CDK14: variants seen among roughly 807,000 people sequenced by gnomAD.
The protein encoded by CDK14 is cyclin dependent kinase 14.
A neutral mutation model predicts 60.7 loss-of-function variants in CDK14; 34 were observed. That is an observed-to-expected ratio of 0.56 (90% CI 0.43 to 0.75). The LOEUF (loss-of-function observed/expected upper bound fraction) is 0.75, where lower values mean the gene tolerates loss of function less well. CDK14 is among the 30% of genes least tolerant of loss of function. The pLI, the probability that CDK14 is intolerant of heterozygous loss-of-function variation, is 0.00. For synonymous variants in CDK14, 197 were observed against 203.7 expected (o/e 0.97, Z 0.28); for missense variants, 482 against 564.1 (o/e 0.85, Z 1.47).
intron 10 of CDK14, among the ~76,000 whole-genome samples, chr7:91,028,666 C>G (rs574529897): frequency 6.6e-6 from 1 of 152,204 alleles, no homozygotes; most frequent in Non-Finnish European, 1.5e-5. Flanking sequence ...ATTTGCATTT[C>G]CCTGATGATT....
At chr7:90,778,400 A>G (rs1805141996) in intron 4 of CDK14, among the ~76,000 whole-genome samples, 1 of 152,184 alleles carries the variant, frequency 6.6e-6, no homozygotes, top group South Asian at 2.1e-4. Context: ...TGCTCTTACC[A>G]GTACCCTGGT....
intron 11 of CDK14, among the ~76,000 whole-genome samples, chr7:91,061,388 C>G (rs1377102074): frequency 6.6e-6 from 1 of 152,332 alleles, no homozygotes; most frequent in South Asian, 2.1e-4. Context: ...CTGAAGCCTT[C>G]TTCTCTCAAT....
At chr7:90,996,358 T>C (rs1404487996) in intron 10 of CDK14, among the ~76,000 whole-genome samples, 2 of 152,202 alleles carry the variant, frequency 1.3e-5, no homozygotes, top group Non-Finnish European at 1.5e-5. Context: ...CATGAGTTCA[T>C]TTAAAACCTG....
chr7:90,720,950 G>T (rs1802427919), intron 2 of CDK14, among the ~76,000 whole-genome samples: 2 of 152,118 alleles, frequency 1.3e-5, no homozygotes. Context: ...TGGCAGTTAA[G>T]CTGAGTTTTC....
In CDK14 at chr7:90,645,430, C is replaced by T. The variant is rs28951976; in HGVS notation, c.123+41181C>T. Among the ~76,000 whole-genome samples, 37 of 151,088 alleles carry T rather than the reference C, an allele frequency of 2.4e-4. No individual in the cohort carries two copies. The East Asian group carries it at 3.5e-3, about 14-fold the overall frequency. On this transcript the variant is annotated intron_variant, in intron 2 of 14. Coordinates refer to ENST00000380050, the MANE Select transcript of CDK14 (RefSeq NM_001287135.2). ...GTTAGTTTTATCCTTTTTTTTCCCC[C>T]GTAACTCAAAAGCAGTTTTAAAAAA... is the stretch of plus-strand genomic sequence containing the variant.
intron 5 of CDK14, among the ~76,000 whole-genome samples, chr7:90,817,954 C>G (rs1584006627): frequency 6.6e-6 from 1 of 152,264 alleles, no homozygotes; most frequent in East Asian, 1.9e-4. Flanking sequence ...AGACTGTAAG[C>G]CCACAGAATT....
intron 2 of CDK14, among the ~76,000 whole-genome samples, chr7:90,708,094 A>G (rs181640954): frequency 8.4e-4 from 128 of 152,344 alleles, no homozygotes; most frequent in African/African-American, 3.0e-3. Flanking sequence ...CTTTAGCCCT[A>G]AAATTTGGAG....
chr7:90,996,196 A>T (rs1197060249), intron 10 of CDK14, among the ~76,000 whole-genome samples: 2 of 152,210 alleles, frequency 1.3e-5, no homozygotes, highest in Admixed American at 1.3e-4. Flanking sequence ...ATTTGTAATC[A>T]TCATGTCCCA....
intron 14 of CDK14, among the ~76,000 whole-genome samples, chr7:91,171,321 G>A (rs1801511730): frequency 6.6e-6 from 1 of 152,014 alleles, no homozygotes; most frequent in Non-Finnish European, 1.5e-5. Context: ...CTGCACTCCA[G>A]CCTGGGTGAC....
At position 91,007,459 on chromosome 7, in the gene CDK14, G is replaced by A. The variant is rs7782670; in HGVS notation, c.1041+23218G>A. 8.1e-3 allele frequency among the ~76,000 whole-genome samples: 1,232 copies of A among 152,268 alleles called. 25 individuals are homozygous for A. The highest frequency in any genetic ancestry group is 0.026 in the African/African-American group (1,064 of 41,542). On this transcript the variant is annotated intron_variant, in intron 10 of 14. Transcript: ENST00000380050. ...CAGGGTCAGTTTTCCACATCCCATG[G>A]AAAGGGAGATTAAGTTATGTTAGTT...
chr7:91,108,610 G>C (rs1584071971), intron 12 of CDK14, among the ~76,000 whole-genome samples: 1 of 152,090 alleles, frequency 6.6e-6, no homozygotes, highest in Non-Finnish European at 1.5e-5. Context: ...ATGGCTATTT[G>C]CCTGCCACTA....
intron 10 of CDK14, among the ~76,000 whole-genome samples, chr7:90,987,739 C>T (rs1320069054): frequency 6.6e-6 from 1 of 151,934 alleles, no homozygotes; most frequent in Non-Finnish European, 1.5e-5. Context: ...AATGCTTTTC[C>T]TCTGTGACCT....
At chr7:90,631,189 A>G (rs191612070) in intron 2 of CDK14, among the ~76,000 whole-genome samples, 26 of 152,320 alleles carry the variant, frequency 1.7e-4, no homozygotes, top group African/African-American at 5.8e-4. Context: ...TGGGTGATCT[A>G]CATTATCACT....
chr7:90,754,859 A>G (rs577011512), intron 4 of CDK14, among the ~76,000 whole-genome samples: 1 of 152,346 alleles, frequency 6.6e-6, no homozygotes, highest in African/African-American at 2.4e-5. Context: ...GCCAACAAAC[A>G]TGAAGAAATG....
At chr7:90,891,970 GA>G (rs1394572233) in intron 6 of CDK14, among the ~76,000 whole-genome samples, 1 of 152,180 alleles carries the variant, frequency 6.6e-6, no homozygotes, top group Non-Finnish European at 1.5e-5. Context: ...TCAACAATTG[GA>G]AAACCTCACT....
chr7:90,634,132 C>CT (rs1205624751), intron 2 of CDK14, among the ~76,000 whole-genome samples: 3 of 151,424 alleles, frequency 2.0e-5, no homozygotes, highest in Admixed American at 6.6e-5. Context: ...TTATGATTTT[C>CT]TTTTTTTTAA....
At chr7:90,853,735 T>C (rs1790725561) in intron 5 of CDK14, among the ~76,000 whole-genome samples, 1 of 152,188 alleles carries the variant, frequency 6.6e-6, no homozygotes, top group African/African-American at 2.4e-5. Flanking sequence ...ATGTAGTAGA[T>C]GTTAAATAAA....
At position 91,179,799 on chromosome 7, in the gene CDK14, T is replaced by A. The variant is rs1054990127; in HGVS notation, c.*29-27366T>A. Among the ~76,000 whole-genome samples, 15 of 150,728 alleles carry A rather than the reference T, an allele frequency of 1.0e-4. No individual in the cohort carries two copies. In the East Asian group the frequency reaches 2.9e-3, roughly 29 times the overall value. ...GCCTGGGCGACAGAGCGAGACTCCGTCTCAAAAAAAAAAAAGTTTACTTTT... is the reference window on the plus strand; with the variant it reads ...GCCTGGGCGACAGAGCGAGACTCCGACTCAAAAAAAAAAAAGTTTACTTTT... On this transcript the variant is annotated intron_variant, in intron 14 of 14. Transcript: ENST00000380050.
intron 14 of CDK14, among the ~76,000 whole-genome samples, chr7:91,125,462 G>A (rs560739855): frequency 2.0e-4 from 31 of 152,062 alleles, no homozygotes; most frequent in Non-Finnish European, 3.2e-4. Context: ...GCATCAAATT[G>A]GTTGTGCAAA....
Sources: allele counts gnomAD v4.1 joint callset (sites outside exome capture counted in the v4.1 genomes callset), GRCh38; gene constraint gnomAD v4.1.1; transcripts MANE v1.5; gene names NCBI Gene and HGNC (gene_info 2026-07-23, HGNC 2026-07-21).